The following MACROD2 variants were observed in gnomAD, a reference collection of about 807,000 sequenced individuals.
MACROD2 encodes mono-ADP ribosylhydrolase 2.
MACROD2 carries 36 observed loss-of-function variants against 70.4 expected under a neutral mutation model. The observed-to-expected ratio is 0.51, with a 90% CI of 0.39 to 0.68. The LOEUF (loss-of-function observed/expected upper bound fraction) is 0.68. MACROD2 is among the 30% of genes least tolerant of loss of function. The pLI is 0.00. For synonymous variants in MACROD2, 172 were observed against 178.8 expected (o/e 0.96, Z 0.30); for missense variants, 496 against 538.4 (o/e 0.92, Z 0.78).
intron 6 of MACROD2, among the ~76,000 whole-genome samples, chr20:15,397,147 G>T (rs1402906355): frequency 6.6e-6 from 1 of 152,134 alleles, no homozygotes; most frequent in African/African-American, 2.4e-5. Context: ...ATTCCAGTTG[G>T]TTAGAGCAAA....
At chr20:14,611,508 G>A (rs1443171591) in intron 4 of MACROD2, among the ~76,000 whole-genome samples, 3 of 135,490 alleles carry the variant, frequency 2.2e-5, no homozygotes, top group South Asian at 2.3e-4. Flanking sequence ...ATATCTCATC[G>A]TCAAGTAGAA....
intron 15 of MACROD2, among the ~76,000 whole-genome samples, chr20:15,995,648 C>CTTTT (rs2066618730): frequency 3.7e-5 from 1 of 26,966 alleles, no homozygotes; most frequent in Non-Finnish European, 7.8e-5. Context: ...CTATGCCCGG[C>CTTTT]CTTTTTTTTT....
At chr20:14,049,976 C>G (rs960866733) in intron 2 of MACROD2, among the ~76,000 whole-genome samples, 1 of 150,420 alleles carries the variant, frequency 6.6e-6, no homozygotes, top group Non-Finnish European at 1.5e-5. Context: ...CCCAGCTACT[C>G]AGGAGGCAGA....
intron 8 of MACROD2, among the ~76,000 whole-genome samples, chr20:15,769,994 C>T (rs976635427): frequency 6.6e-6 from 1 of 151,908 alleles, no homozygotes; most frequent in Non-Finnish European, 1.5e-5. Flanking sequence ...GTGCGCCCCC[C>T]CACACATAAT....
chr20:15,194,245 C>CAA (rs71190180), intron 5 of MACROD2, among the ~76,000 whole-genome samples: 32,825 of 49,806 alleles, frequency 0.66, 12,703 homozygotes, highest in East Asian at 0.81. Context: ...CACTCTGTCT[C>CAA]AAAAAAAAAA....
chr20:15,082,162 T>A (rs1456497136), intron 5 of MACROD2, among the ~76,000 whole-genome samples: 1 of 152,214 alleles, frequency 6.6e-6, no homozygotes, highest in East Asian at 1.9e-4. Context: ...TGGGAGGTTA[T>A]CTGCTACAAG....
intron 5 of MACROD2, among the ~76,000 whole-genome samples, chr20:14,780,190 T>C (rs2072282524): frequency 6.6e-6 from 1 of 152,052 alleles, no homozygotes; most frequent in Admixed American, 6.6e-5. Flanking sequence ...AGAGACCTTG[T>C]TTCAAAAAAG....
intron 8 of MACROD2, among the ~76,000 whole-genome samples, chr20:15,507,845 C>T (rs951185265): frequency 1.3e-5 from 2 of 152,194 alleles, no homozygotes; most frequent in African/African-American, 2.4e-5. Flanking sequence ...TGCTTTCAGG[C>T]TCCATAGCCC....
chr20:15,739,560 G>C (rs925763682), intron 8 of MACROD2, among the ~76,000 whole-genome samples: 1 of 152,080 alleles, frequency 6.6e-6, no homozygotes, highest in African/African-American at 2.4e-5. Flanking sequence ...TATTAGATAA[G>C]TTAGGAGCAC....
chr20:14,044,171 G>A (rs574044065), intron 2 of MACROD2, among the ~76,000 whole-genome samples: 2 of 152,066 alleles, frequency 1.3e-5, no homozygotes, highest in Non-Finnish European at 2.9e-5. Context: ...TGGTGGGTTC[G>A]TGGTCTCACT....
chr20:15,748,406 AT>A (rs924946374), intron 8 of MACROD2, among the ~76,000 whole-genome samples: 33 of 139,946 alleles, frequency 2.4e-4, no homozygotes, highest in Admixed American at 2.0e-3. Flanking sequence ...CTTTCTCTTT[AT>A]TTTTTTTTCT....
chr20:15,906,210 C>T (rs117453228), intron 10 of MACROD2, among the ~76,000 whole-genome samples: 1 of 152,172 alleles, frequency 6.6e-6, no homozygotes, highest in Non-Finnish European at 1.5e-5. Flanking sequence ...CTCATTCAGC[C>T]ACTTATGGTG....
intron 8 of MACROD2, among the ~76,000 whole-genome samples, chr20:15,618,474 G>GT (rs1262901376): frequency 2.6e-5 from 4 of 152,166 alleles, no homozygotes; most frequent in Non-Finnish European, 5.9e-5. Context: ...CGTCAGGAAT[G>GT]TTTTTATCAA....
chr20:15,409,475 G>C (rs1249547033), intron 6 of MACROD2, among the ~76,000 whole-genome samples: 1 of 152,184 alleles, frequency 6.6e-6, no homozygotes, highest in Non-Finnish European at 1.5e-5. Flanking sequence ...TTATTTGTTT[G>C]CATCTGTAAG....
At chr20:14,213,379 A>AAAAAC in intron 3 of MACROD2, among the ~76,000 whole-genome samples, 1 of 148,846 alleles carries the variant, frequency 6.7e-6, no homozygotes, top group East Asian at 2.0e-4. Flanking sequence ...AAAAAAAAAA[A>AAAAAC]AAAAAAAGGC....
At chr20:15,526,724 G>T (rs1052587587) in intron 8 of MACROD2, among the ~76,000 whole-genome samples, 1 of 152,202 alleles carries the variant, frequency 6.6e-6, no homozygotes, top group Non-Finnish European at 1.5e-5. Flanking sequence ...CATATTGGGC[G>T]TGTGGGGGCT....
chr20:14,449,064 G>A (rs867747154), intron 3 of MACROD2, among the ~76,000 whole-genome samples: 5 of 152,066 alleles, frequency 3.3e-5, no homozygotes, highest in African/African-American at 9.7e-5. Context: ...GAAGAAAGAG[G>A]AGGCAGTTTT....
At chr20:15,327,154 A>G (rs1425395402) in intron 6 of MACROD2, among the ~76,000 whole-genome samples, 1 of 152,160 alleles carries the variant, frequency 6.6e-6, no homozygotes. Context: ...ACGGGCATGT[A>G]TGATTGGAGG....
At chr20:15,060,967 G>T (rs1260691065) in intron 5 of MACROD2, among the ~76,000 whole-genome samples, 2 of 152,132 alleles carry the variant, frequency 1.3e-5, no homozygotes, top group East Asian at 1.9e-4. Flanking sequence ...CTTGTGTGGG[G>T]GTGTTGCTGG....
Sources: gnomAD v4.1 joint callset for allele counts (sites outside exome capture counted in the v4.1 genomes callset) on GRCh38, gnomAD v4.1.1 for gene constraint, MANE v1.5 for transcripts, NCBI Gene and HGNC (gene_info 2026-07-23, HGNC 2026-07-21) for gene names.